Variants in ALG5 observed in about 807,000 individuals in gnomAD.
ALG5 encodes ALG5 dolichyl-phosphate beta-glucosyltransferase, also known as dolichyl-phosphate beta-glucosyltransferase.
Under a neutral mutation model 51.8 loss-of-function variants are expected in ALG5, and 26 were observed. The observed-to-expected ratio is 0.50, with a 90% CI of 0.37 to 0.70. The LOEUF is 0.70. Among genes scored for constraint, ALG5 ranks in the 30% least tolerant of loss-of-function variants. The probability of loss-of-function intolerance (pLI) is 0.00; values close to 1 mark genes in which losing one functional copy is unlikely to be tolerated. For synonymous variants in ALG5, 141 were observed against 136.1 expected (o/e 1.04, Z -0.25); for missense variants, 311 against 399.3 (o/e 0.78, Z 1.88).
chr13:36,992,955 C>T (rs1260766778), intron 4 of ALG5, among the ~76,000 whole-genome samples: 1 of 152,162 alleles, frequency 6.6e-6, no homozygotes, highest in Admixed American at 6.5e-5. Context: ...CTGATCCTTC[C>T]AGCAGAGCAG....
intron 4 of ALG5, among the ~76,000 whole-genome samples, chr13:36,992,195 C>CATCAAA (rs2059028500): frequency 1.3e-5 from 2 of 151,786 alleles, no homozygotes; most frequent in Non-Finnish European, 2.9e-5. Flanking sequence ...ACATAGTGCT[C>CATCAAA]TAATTATTTG....
chr13:36,983,616 G>C (rs565622218), intron 6 of ALG5, among the ~76,000 whole-genome samples: 1 of 151,766 alleles, frequency 6.6e-6, no homozygotes, highest in East Asian at 1.9e-4. Context: ...TTTAAATGTG[G>C]CCAATGAAAC....
intron 4 of ALG5, among the ~76,000 whole-genome samples, chr13:36,992,990 A>C (rs2059032122): frequency 6.6e-6 from 1 of 152,112 alleles, no homozygotes; most frequent in Non-Finnish European, 1.5e-5. Context: ...GTCAAGGGCC[A>C]CCAAAAAAGT....
rs1257242479 is a variant in ALG5, at chr13:36,982,087, T to C, written c.561+3540A>G. The stretch of plus-strand genomic sequence containing the variant: ...GCCTGGATGACAAAGCGAGACTCTG[T>C]CTCAAAAACAAACAAACAAACAAAC... On this transcript the variant is annotated intron_variant, in intron 6 of 9. Coordinates refer to ENST00000239891, the MANE Select transcript of ALG5 (RefSeq NM_013338.5). 3.9e-5 allele frequency among the ~76,000 whole-genome samples: 6 copies of C among 152,202 alleles called. No homozygotes were observed. In the Middle Eastern group the frequency reaches 0.01, roughly 259 times the overall value.
chr13:36,967,553 G>C (rs1429041207), intron 7 of ALG5: 1 of 232,098 alleles, frequency 4.3e-6, no homozygotes, highest in African/African-American at 2.3e-5. Context: ...GGGCAGGAAG[G>C]AAAGGAAGAA....
chr13:36,968,784 G>T (rs1342134600), intron 7 of ALG5, among the ~76,000 whole-genome samples: 1 of 152,168 alleles, frequency 6.6e-6, no homozygotes, highest in African/African-American at 2.4e-5. Context: ...GCACACGAAG[G>T]GAAATGGAAA....
intron 3 of ALG5, among the ~76,000 whole-genome samples, chr13:36,993,939 G>A (rs1566068526): frequency 6.6e-6 from 1 of 152,230 alleles, no homozygotes; most frequent in East Asian, 1.9e-4. Context: ...GGTGGTGGAA[G>A]AAGCCAGGTA....
intron 5 of ALG5, 94 bp from the exon 6 acceptor site, chr13:36,985,834 T>C (rs2058999623): frequency 2.6e-6 from 2 of 756,382 alleles, no homozygotes; most frequent in Admixed American, 2.9e-5. Context: ...TACCTAAGAG[T>C]GAAAGATGAG....
rs1352231468 is a variant in ALG5, at chr13:36,965,587, T to C, written c.761A>G (p.His254Arg). The C allele has an allele frequency of 6.2e-7, 1 of 1,613,634 alleles. No homozygotes were observed. Among genetic ancestry groups the C allele is most frequent in the Non-Finnish European group, 8.5e-7 (1 of 1,179,828 alleles). Residue 254 changes from histidine (H) to arginine (R), a missense_variant, in exon 8 of 10, where the codon CAC becomes CGC. Physicochemically the swap from His to Arg is conservative, Grantham distance 29. Coordinates refer to ENST00000239891, the MANE Select transcript of ALG5 (RefSeq NM_013338.5). The part of the protein sequence containing the change: ...EAASRTFSSL[H>R]VERWAFDVEL... Reference sequence around the variant, plus strand: ...GTCAGAAACCTACCATCGTTCAACGTGTAGAGATGAAAACGTCCGTGAAGC... The same window carrying C: ...GTCAGAAACCTACCATCGTTCAACGCGTAGAGATGAAAACGTCCGTGAAGC...
intron 6 of ALG5, among the ~76,000 whole-genome samples, chr13:36,974,397 A>T (rs2058940376): frequency 6.6e-6 from 1 of 152,180 alleles, no homozygotes; most frequent in Non-Finnish European, 1.5e-5. Flanking sequence ...AAATTTACAT[A>T]TATAAATGAT....
At chr13:36,973,143 A>T (rs975956839) in intron 6 of ALG5, among the ~76,000 whole-genome samples, 5 of 151,932 alleles carry the variant, frequency 3.3e-5, no homozygotes, top group African/African-American at 7.2e-5. Context: ...AAATAAAAAA[A>T]TTTTTAAAAG....
At chr13:36,995,110 G>A in intron 2 of ALG5, 75 bp from the exon 3 acceptor site, 1 of 1,294,968 alleles carries the variant, frequency 7.7e-7, no homozygotes, top group Non-Finnish European at 1.1e-6. Flanking sequence ...CTTACATACA[G>A]AAAAAAGTCC....
At chr13:36,959,876 G>A (rs1218152700) in intron 8 of ALG5, among the ~76,000 whole-genome samples, 3 of 151,854 alleles carry the variant, frequency 2.0e-5, no homozygotes, top group African/African-American at 7.3e-5. Context: ...GGAGATAGAG[G>A]ATGGAGCAAG....
At chr13:36,958,530 C>G (rs1054989475) in intron 8 of ALG5, among the ~76,000 whole-genome samples, 5 of 152,114 alleles carry the variant, frequency 3.3e-5, no homozygotes, top group Non-Finnish European at 7.3e-5. Context: ...TTGATGGCAT[C>G]GAAGGCACCC....
In ALG5 at chr13:36,995,426, C is replaced by A. The variant is rs1593688524; in HGVS notation, c.237G>T (p.Arg79=). 1.2e-6 allele frequency: 2 copies of A among 1,607,726 alleles called. No homozygotes were observed. The highest frequency in any genetic ancestry group is 2.2e-5 in the East Asian group (1 of 44,838). The part of the protein sequence containing the change: ...VVVPSYNEEK[R]LPVMMDEALS... ...CAAAAAAATCAAAACAGGGCTTACACCGTTTTTCTTCATTGTATGAAGGCA... is the reference window on the plus strand; with the variant it reads ...CAAAAAAATCAAAACAGGGCTTACAACGTTTTTCTTCATTGTATGAAGGCA... The change falls in exon 2 of 10, where the codon CGG becomes CGT. Residue 79 remains arginine (R), a splice_region_variant and synonymous_variant. Coordinates refer to ENST00000239891, the MANE Select transcript of ALG5 (RefSeq NM_013338.5).
At chr13:36,971,572 A>G (rs2058923340) in intron 7 of ALG5, among the ~76,000 whole-genome samples, 1 of 148,362 alleles carries the variant, frequency 6.7e-6, no homozygotes, top group South Asian at 2.1e-4. Context: ...GCTTGAACCC[A>G]GGAAGTGGAG....
chr13:36,994,993 C>G lies in ALG5; in HGVS notation c.281G>C (p.Arg94Thr). 6.2e-7 allele frequency: 1 copy of G among 1,612,288 alleles called. No homozygotes were observed. The highest frequency in any genetic ancestry group is 8.5e-7 in the Non-Finnish European group (1 of 1,178,962). ...TTAAAAGAGAAAACATGATACCTGT[C>G]TCTTCTCTAGATAGCTCAGAGCTTC... ...MDEALSYLEK[R>T]QKRDPAFTYE... The change falls in exon 3 of 10, where the codon AGA becomes ACA. Residue 94 changes from arginine (R) to threonine (T), a missense_variant. Transcript: ENST00000239891.
chr13:36,985,529 C>G, intron 6 of ALG5, 98 bp downstream of exon 6: 1 of 867,786 alleles, frequency 1.2e-6, no homozygotes, highest in Non-Finnish European at 1.8e-6. Flanking sequence ...ACCAAAAACA[C>G]TCAGTTTTTA....
At chr13:36,971,538 T>G (rs1265256064) in intron 7 of ALG5, among the ~76,000 whole-genome samples, 1 of 149,674 alleles carries the variant, frequency 6.7e-6, no homozygotes, top group Non-Finnish European at 1.5e-5. Flanking sequence ...TCCCAGCTAC[T>G]TGTGAGGCTG....
Sources: gnomAD v4.1 joint callset for allele counts (sites outside exome capture counted in the v4.1 genomes callset) on GRCh38, gnomAD v4.1.1 for gene constraint, MANE v1.5 for transcripts, NCBI Gene and HGNC (gene_info 2026-07-23, HGNC 2026-07-21) for gene names.